The following TMEFF1 variants were observed in gnomAD, a reference collection of about 807,000 sequenced individuals.
TMEFF1 encodes transmembrane protein with EGF like and two follistatin like domains 1, also known as tomoregulin-1.
A neutral mutation model predicts 47.5 loss-of-function variants in TMEFF1; 20 were observed. That is an observed-to-expected ratio of 0.42 (90% confidence interval 0.30 to 0.61). The LOEUF is 0.61. TMEFF1 is among the 20% of genes least tolerant of loss of function. The probability of loss-of-function intolerance (pLI) is 0.19; values close to 1 mark genes in which losing one functional copy is unlikely to be tolerated. For synonymous variants in TMEFF1, 162 were observed against 166.3 expected (o/e 0.97, Z 0.20); for missense variants, 411 against 471.1 (o/e 0.87, Z 1.18).
At chr9:100,532,846 C>T (rs1382724365) in intron 5 of TMEFF1, among the ~76,000 whole-genome samples, 1 of 151,930 alleles carries the variant, frequency 6.6e-6, no homozygotes, top group Admixed American at 6.6e-5. Flanking sequence ...CCCAAATGTC[C>T]AACAATGATA....
chr9:100,500,449 T>G (rs2118325703), intron 2 of TMEFF1, among the ~76,000 whole-genome samples: 1 of 152,312 alleles, frequency 6.6e-6, no homozygotes, highest in Non-Finnish European at 1.5e-5. Context: ...TCCCAAATTT[T>G]TTCCTGTTCT....
At chr9:100,574,838 A>C (rs747961449) in intron 9 of TMEFF1, among the ~76,000 whole-genome samples, 1 of 152,174 alleles carries the variant, frequency 6.6e-6, no homozygotes, top group African/African-American at 2.4e-5. Context: ...CAACTCTTTC[A>C]GTGCTATAAT....
At chr9:100,539,683 A>G (rs1420728335) in intron 5 of TMEFF1, among the ~76,000 whole-genome samples, 1 of 152,120 alleles carries the variant, frequency 6.6e-6, no homozygotes, top group South Asian at 2.1e-4. Flanking sequence ...AGCAAGATTT[A>G]TTGTGAAGAG....
Position 100,529,780 on chromosome 9 carries a change from C to T in TMEFF1, c.560+13009C>T, listed in dbSNP as rs12683326. Among the ~76,000 whole-genome samples, 99 of 152,284 alleles carry T rather than the reference C, an allele frequency of 6.5e-4. 1 individual carries two copies. In the East Asian group the frequency reaches 0.016, roughly 24 times the overall value. ...TACAGAACTCTCCATCCCAAATCAACAGAATATACATTTTTTTCAGCCCCA... is the reference window on the plus strand; with the variant it reads ...TACAGAACTCTCCATCCCAAATCAATAGAATATACATTTTTTTCAGCCCCA... On this transcript the variant is annotated intron_variant, in intron 5 of 9. Coordinates refer to ENST00000374879, the MANE Select transcript of TMEFF1 (RefSeq NM_003692.5).
chr9:100,543,789 G>A (rs1407477655), intron 5 of TMEFF1, among the ~76,000 whole-genome samples: 1 of 151,404 alleles, frequency 6.6e-6, no homozygotes, highest in Non-Finnish European at 1.5e-5. Flanking sequence ...TTTGTGTTGG[G>A]CTGCATTCAA....
At chr9:100,484,511 G>T (rs2118257166) in intron 1 of TMEFF1, among the ~76,000 whole-genome samples, 1 of 152,048 alleles carries the variant, frequency 6.6e-6, no homozygotes, top group African/African-American at 2.4e-5. Flanking sequence ...TAGAGGCGGG[G>T]TTTTACTGTG....
chr9:100,573,554 T>G (rs1839287950), intron 9 of TMEFF1, among the ~76,000 whole-genome samples: 1 of 152,200 alleles, frequency 6.6e-6, no homozygotes, highest in African/African-American at 2.4e-5. Flanking sequence ...GCTTACCTCT[T>G]TCTTTAAGCT....
intron 2 of TMEFF1, among the ~76,000 whole-genome samples, chr9:100,506,098 C>T (rs183762340): frequency 1.1e-3 from 162 of 152,260 alleles, no homozygotes; most frequent in African/African-American, 3.7e-3. Context: ...ATAACAAAGT[C>T]GACTAGGTTA....
chr9:100,538,784 C>A (rs1838567532), intron 5 of TMEFF1, among the ~76,000 whole-genome samples: 1 of 152,122 alleles, frequency 6.6e-6, no homozygotes, highest in Non-Finnish European at 1.5e-5. Flanking sequence ...TGATTGTTTG[C>A]CTGTACCACA....
intron 5 of TMEFF1, among the ~76,000 whole-genome samples, chr9:100,519,754 G>A (rs775108191): frequency 2.1e-5 from 3 of 143,644 alleles, no homozygotes; most frequent in Non-Finnish European, 4.5e-5. Context: ...TGGTCACTCT[G>A]AGTACTAGCT....
intron 2 of TMEFF1, among the ~76,000 whole-genome samples, chr9:100,508,053 C>A (rs1837892918): frequency 6.6e-6 from 1 of 152,132 alleles, no homozygotes; most frequent in African/African-American, 2.4e-5. Flanking sequence ...TTGGAAATAG[C>A]ATCTCATCTT....
At chr9:100,548,578 A>G (rs759558979) in intron 6 of TMEFF1, among the ~76,000 whole-genome samples, 16 of 152,148 alleles carry the variant, frequency 1.1e-4, no homozygotes, top group Non-Finnish European at 1.6e-4. Context: ...CCTCAGTCAC[A>G]TATGTGGACC....
chr9:100,537,823 C>T (rs1260970409), intron 5 of TMEFF1, among the ~76,000 whole-genome samples: 3 of 152,152 alleles, frequency 2.0e-5, no homozygotes, highest in African/African-American at 7.2e-5. Context: ...CTGTGATTGG[C>T]TAACTTTATT....
intron 3 of TMEFF1, among the ~76,000 whole-genome samples, chr9:100,509,475 TAA>T (rs1253923159): frequency 1.3e-5 from 2 of 152,212 alleles, no homozygotes; most frequent in African/African-American, 4.8e-5. Context: ...GATGATTTTT[TAA>T]AAAGAGGTGA....
intron 1 of TMEFF1, among the ~76,000 whole-genome samples, chr9:100,494,178 G>T (rs1326546397): frequency 7.1e-6 from 1 of 140,152 alleles, no homozygotes; most frequent in Non-Finnish European, 1.5e-5. Context: ...CTGCACTCCA[G>T]CCTGGGAAAC....
intron 1 of TMEFF1, among the ~76,000 whole-genome samples, chr9:100,474,172 G>A (rs1837175486): frequency 6.6e-6 from 1 of 151,112 alleles, no homozygotes; most frequent in South Asian, 2.1e-4. Flanking sequence ...AGACGGCGAG[G>A]GGGCTGGGCG....
intron 1 of TMEFF1, among the ~76,000 whole-genome samples, chr9:100,479,300 C>G (rs1369725022): frequency 6.6e-6 from 1 of 152,156 alleles, no homozygotes; most frequent in African/African-American, 2.4e-5. Flanking sequence ...TAGCCTCTTA[C>G]AGATATATAT....
intron 8 of TMEFF1, among the ~76,000 whole-genome samples, chr9:100,562,899 C>G (rs552846024): frequency 4.0e-4 from 61 of 152,256 alleles, no homozygotes; most frequent in African/African-American, 1.4e-3. Context: ...CTCACTGCAA[C>G]CTCCGCCTCC....
chr9:100,490,836 G>GGTGTGTGTGTGTGT (rs10654628), intron 1 of TMEFF1, among the ~76,000 whole-genome samples: 33 of 136,156 alleles, frequency 2.4e-4, no homozygotes, highest in African/African-American at 2.8e-4. Context: ...TTATATGTAT[G>GGTGTGTGTGTGTGT]GTGTGTGTGT....
Sources: allele counts gnomAD v4.1 joint callset (sites outside exome capture counted in the v4.1 genomes callset), GRCh38; gene constraint gnomAD v4.1.1; transcripts MANE v1.5; gene names NCBI Gene and HGNC (gene_info 2026-07-23, HGNC 2026-07-21).